TPTE2: variants seen among roughly 807,000 people sequenced by gnomAD.
The protein encoded by TPTE2 is transmembrane phosphoinositide 3-phosphatase and tensin homolog 2, also known as phosphatidylinositol 3,4,5-trisphosphate 3-phosphatase TPTE2.
Under a neutral mutation model 78.6 loss-of-function variants are expected in TPTE2, and 53 were observed. The observed-to-expected ratio is 0.67, with a 90% CI of 0.54 to 0.85. The LOEUF is 0.85. TPTE2 is among the 40% of genes least tolerant of loss of function. The probability of loss-of-function intolerance (pLI) is 0.00; values close to 1 mark genes in which losing one functional copy is unlikely to be tolerated. For missense variants in TPTE2, 461 were observed against 623.0 expected (o/e 0.74, Z 2.77); for synonymous variants, 175 against 206.2 (o/e 0.85, Z 1.30).
At chr13:19,543,662 G>A in the TPTE2 span, among the ~76,000 whole-genome samples, 1 of 152,032 alleles carries the variant, frequency 6.6e-6, no homozygotes, top group Non-Finnish European at 1.5e-5. Flanking sequence ...GGCCACTAAT[G>A]AATATTTTCA....
At chr13:19,556,793 T>C in the TPTE2 span, among the ~76,000 whole-genome samples, 2 of 152,346 alleles carry the variant, frequency 1.3e-5, no homozygotes, top group East Asian at 1.9e-4. Context: ...CCCAAGTCCA[T>C]ATACAACATT....
At chr13:19,553,745 G>A in the TPTE2 span, among the ~76,000 whole-genome samples, 99,077 of 152,118 alleles carry the variant, frequency 0.65, 34,800 homozygotes, top group East Asian at 0.89. Flanking sequence ...AAAGATGCAA[G>A]CTAATCTATT....
intron 19 of TPTE2, among the ~76,000 whole-genome samples, chr13:19,423,464 G>A (rs61955052): frequency 1.2e-3 from 172 of 147,582 alleles, no homozygotes; most frequent in African/African-American, 1.2e-3. Flanking sequence ...AATCAGTCAG[G>A]ATAGACATGA....
chr13:19,425,201 A>C (rs1165526044), intron 18 of TPTE2, among the ~76,000 whole-genome samples, 184 bp from the exon 22 acceptor site: 1 of 152,178 alleles, frequency 6.6e-6, no homozygotes, highest in Non-Finnish European at 1.5e-5. Context: ...AGAAAATGCT[A>C]TTGCATTCTC....
the TPTE2 span, among the ~76,000 whole-genome samples, chr13:19,551,368 T>A: frequency 6.6e-6 from 1 of 152,084 alleles, no homozygotes; most frequent in African/African-American, 2.4e-5. Flanking sequence ...GGTGGACGGA[T>A]TACCTGAGGT....
At chr13:19,550,926 C>T in the TPTE2 span, among the ~76,000 whole-genome samples, 35 of 152,102 alleles carry the variant, frequency 2.3e-4, no homozygotes, top group African/African-American at 6.0e-4. Flanking sequence ...CAAGTAACTA[C>T]GATTACAGGC....
chr13:19,560,798 G>A, the TPTE2 span: 2 of 1,481,976 alleles, frequency 1.3e-6, no homozygotes, highest in East Asian at 2.4e-5. Flanking sequence ...GGCACCGCTT[G>A]TACTCCCGCC....
the TPTE2 span, among the ~76,000 whole-genome samples, chr13:19,556,879 TTGAG>T: frequency 1.3e-5 from 2 of 150,984 alleles, no homozygotes; most frequent in Admixed American, 1.3e-4. Flanking sequence ...ACCATTTGTA[TTGAG>T]TTTCTTCATT....
intron 1 of TPTE2, among the ~76,000 whole-genome samples, chr13:19,499,597 C>T (rs932570743): frequency 7.6e-5 from 11 of 144,160 alleles, no homozygotes; most frequent in Non-Finnish European, 1.5e-4. Flanking sequence ...TTCTTTGAAA[C>T]CAATGAGAAC....
intron 18 of TPTE2, 80 bp downstream of exon 21, chr13:19,426,345 G>A (rs1404265463): frequency 3.9e-6 from 4 of 1,034,144 alleles, no homozygotes; most frequent in African/African-American, 3.1e-5. Flanking sequence ...CCCTTGTTGG[G>A]AATTGTAGTA....
chr13:19,532,354 C>T (rs1870938636), intron 1 of TPTE2, among the ~76,000 whole-genome samples: 2 of 152,164 alleles, frequency 1.3e-5, no homozygotes, highest in East Asian at 3.9e-4. Context: ...GATTAGGTGC[C>T]CTTATAAAAG....
Position 19,497,575 on chromosome 13 carries a change from C to T in TPTE2, c.12-4074G>A, listed in dbSNP as rs9508200. Among the ~76,000 whole-genome samples the T allele has an allele frequency of 2.2e-4, 17 of 76,592 alleles. 3 individuals are homozygous for T. In the South Asian group the frequency reaches 6.0e-3, roughly 27 times the overall value. The allele number at this position is 76,592 out of a possible 152,430, so 50.2% of individuals were successfully genotyped here. A position where few individuals can be genotyped will look rare whatever the true frequency, so the allele number is the denominator to read the frequency against. ...CACATGGCAGGGTATTCCAACAGAC[C>T]TGCAGCTGAGGGTCCTGTCTGTTAG... On this transcript the variant is annotated intron_variant, in intron 1 of 19. Coordinates refer to ENST00000400230, the Ensembl canonical transcript of TPTE2.
chr13:19,523,845 C>T (rs1870333864), intron 1 of TPTE2, among the ~76,000 whole-genome samples: 1 of 152,168 alleles, frequency 6.6e-6, no homozygotes. Flanking sequence ...CACATGCACA[C>T]ACAATCTAGA....
upstream of TPTE2, chr13:19,503,420 T>C (rs1176749961): frequency 1.9e-5 from 16 of 854,090 alleles, no homozygotes; most frequent in Non-Finnish European, 2.7e-5. Context: ...GTCTGAAATG[T>C]CATTTTTTTA....
At chr13:19,426,507 T>G (rs752060498) in exon 18 of TPTE2, 1 of 1,558,162 alleles carries the variant, frequency 6.4e-7, no homozygotes, top group South Asian at 1.1e-5. Flanking sequence ...TGTTTCAATG[T>G]CATGCAATAT....
rs551767386 is a variant in TPTE2 at position 19,465,449 on chromosome 13, T to C, written c.612+16A>G. 5.6e-6 allele frequency: 9 copies of C among 1,609,164 alleles called. No homozygotes were observed. In the African/African-American group the frequency reaches 6.7e-5, roughly 12 times the overall value. Reference sequence around the variant, plus strand: ...AAAATATTTTTCTGAATCATAAGCATGTTTTGCCCACTTACCAGCCTTCTC... The same window carrying C: ...AAAATATTTTTCTGAATCATAAGCACGTTTTGCCCACTTACCAGCCTTCTC... On this transcript the variant is annotated intron_variant, in intron 8 of 19. Coordinates refer to ENST00000400230, the Ensembl canonical transcript of TPTE2.
At chr13:19,462,716 TC>T (rs1289730984) in intron 10 of TPTE2, among the ~76,000 whole-genome samples, 2 of 151,838 alleles carry the variant, frequency 1.3e-5, no homozygotes, top group African/African-American at 4.8e-5. Flanking sequence ...CTAATTTTTT[TC>T]TATTGTTTGT....
At chr13:19,546,988 T>A in the TPTE2 span, among the ~76,000 whole-genome samples, 1 of 151,382 alleles carries the variant, frequency 6.6e-6, no homozygotes, top group South Asian at 2.1e-4. Context: ...AATTACCTAA[T>A]AATGCCTAGA....
intron 1 of TPTE2, among the ~76,000 whole-genome samples, chr13:19,497,744 T>C (rs1881473227): frequency 6.6e-6 from 1 of 151,398 alleles, no homozygotes; most frequent in South Asian, 2.1e-4. Context: ...GCAGAGCGCC[T>C]CTCCTCCTCC....
Sources: gnomAD v4.1 joint callset for allele counts (sites outside exome capture counted in the v4.1 genomes callset) on GRCh38, gnomAD v4.1.1 for gene constraint, MANE v1.5 for transcripts, NCBI Gene and HGNC (gene_info 2026-07-23, HGNC 2026-07-21) for gene names.